TLK2: variants seen among roughly 807,000 people sequenced by gnomAD.
TLK2 encodes tousled like kinase 2, also known as serine/threonine-protein kinase tousled-like 2.
In TLK2, 6 loss-of-function variants were observed where a neutral mutation model predicts 117.3. The observed-to-expected ratio is 0.05, with a 90% CI of 0.03 to 0.10. The LOEUF is 0.10. Ranked by LOEUF, TLK2 falls within the 10% of genes least tolerant of loss-of-function variation. The probability of loss-of-function intolerance (pLI) is 1.00; values close to 1 mark genes in which losing one functional copy is unlikely to be tolerated. For synonymous variants in TLK2, 257 were observed against 316.7 expected, an observed-to-expected ratio of 0.81 and a Z score of 2.00; for missense variants, 299 against 901.2, an observed-to-expected ratio of 0.33 and a Z score of 8.56.
intron 15 of TLK2, among the ~76,000 whole-genome samples, chr17:62,583,786 C>T (rs759347723): frequency 3.3e-4 from 50 of 151,738 alleles, no homozygotes; most frequent in Non-Finnish European, 6.5e-4. Context: ...ACTATGTTGG[C>T]TAGGCTGGTT....
chr17:62,566,068 A>G (rs2079763237), intron 11 of TLK2, among the ~76,000 whole-genome samples: 1 of 152,208 alleles, frequency 6.6e-6, no homozygotes, highest in Non-Finnish European at 1.5e-5. Context: ...TATTTATTCC[A>G]ATGAGGGAAT....
Position 62,614,155 on chromosome 17 carries a change from G to T in TLK2, c.*1590G>T, listed in dbSNP as rs2083973382. The T allele has an allele frequency of 2.0e-5, 3 of 147,966 alleles. No homozygotes were observed. Among genetic ancestry groups the T allele is most frequent in the East Asian group, 2.0e-4 (1 of 5,070 alleles). 9.2% of individuals were successfully genotyped at this position (147,966 alleles called of 1,614,324 possible). ...AAAAAAAAAAAAAAAAGGAGAAATA[G>T]ATGTTTCAAATATGAACATTCTTTT... On this transcript the variant is annotated 3_prime_UTR_variant, in exon 22 of 22. Coordinates refer to ENST00000346027, the MANE Select transcript of TLK2 (RefSeq NM_006852.6).
At chr17:62,574,245 C>T in intron 12 of TLK2, 1 of 1,481,038 alleles carries the variant, frequency 6.8e-7, no homozygotes, top group African/African-American at 1.4e-5. Flanking sequence ...AGAAAGATGG[C>T]TTAACACCAA....
chr17:62,509,201 A>G (rs903197782), intron 2 of TLK2, among the ~76,000 whole-genome samples: 63 of 151,920 alleles, frequency 4.1e-4, no homozygotes, highest in Middle Eastern at 3.2e-3. Flanking sequence ...CAGTTCCCCT[A>G]CCTCAGCCTC....
upstream of TLK2, among the ~76,000 whole-genome samples, chr17:62,478,578 C>G (rs1009930145): frequency 3.3e-5 from 5 of 150,608 alleles, no homozygotes; most frequent in Admixed American, 1.3e-4. Context: ...CGCCCTCAGC[C>G]GTCCGGCGAG....
intron 14 of TLK2, among the ~76,000 whole-genome samples, chr17:62,579,385 C>G (rs545641651): frequency 8.4e-4 from 128 of 152,222 alleles, no homozygotes; most frequent in African/African-American, 3.0e-3. Context: ...AATAATGTGA[C>G]CAAAGAGTTC....
At chr17:62,484,594 A>T (rs2072110736) in intron 2 of TLK2, among the ~76,000 whole-genome samples, 1 of 151,916 alleles carries the variant, frequency 6.6e-6, no homozygotes. Context: ...CATCGCGCCC[A>T]GCCTTTGTAT....
intron 12 of TLK2, chr17:62,574,503 C>A: frequency 1.4e-6 from 1 of 707,816 alleles, no homozygotes; most frequent in Non-Finnish European, 2.4e-6. Context: ...ATTCATATAA[C>A]TCCAAATTTT....
intron 6 of TLK2, among the ~76,000 whole-genome samples, chr17:62,527,956 T>C (rs1316815623): frequency 2.0e-5 from 3 of 152,132 alleles, no homozygotes; most frequent in Non-Finnish European, 4.4e-5. Flanking sequence ...TTGGCCAGGA[T>C]GGTCTCGATC....
intron 2 of TLK2, among the ~76,000 whole-genome samples, chr17:62,511,368 A>C (rs2075131801): frequency 6.6e-6 from 1 of 152,126 alleles, no homozygotes; most frequent in Non-Finnish European, 1.5e-5. Flanking sequence ...TGGAGTCACA[A>C]AGTACACAAC....
intron 16 of TLK2, among the ~76,000 whole-genome samples, chr17:62,589,519 C>A (rs1268091978): frequency 6.6e-6 from 1 of 152,132 alleles, no homozygotes; most frequent in Non-Finnish European, 1.5e-5. Flanking sequence ...CATTGCCTTG[C>A]TGATGAAGTA....
chr17:62,493,764 CT>C (rs558304533), intron 2 of TLK2, among the ~76,000 whole-genome samples: 50 of 146,966 alleles, frequency 3.4e-4, no homozygotes, highest in Non-Finnish European at 3.8e-4. Context: ...ATAGGATAGT[CT>C]TTTTTTTTTT....
intron 10 of TLK2, among the ~76,000 whole-genome samples, chr17:62,564,535 CAAAAAAAAAAAAA>C (rs58856005): frequency 1.6e-5 from 1 of 63,340 alleles, no homozygotes; most frequent in Non-Finnish European, 2.9e-5. Context: ...GACTTCGTCT[CAAAAAAAAAAAAA>C]AAAAAAAAAA....
chr17:62,538,872 A>G (rs1006226878), intron 7 of TLK2, among the ~76,000 whole-genome samples: 4 of 152,352 alleles, frequency 2.6e-5, no homozygotes, highest in East Asian at 3.9e-4. Context: ...GTATTAATAT[A>G]CAAGTGTAAA....
chr17:62,542,215 T>C (rs1403758419), intron 7 of TLK2, among the ~76,000 whole-genome samples: 1 of 152,214 alleles, frequency 6.6e-6, no homozygotes, highest in African/African-American at 2.4e-5. Flanking sequence ...AGATAACTAC[T>C]GTTAACAGTT....
At position 62,548,238 on chromosome 17, in the gene TLK2, ATATGTGTGTGTGTG is replaced by A. The variant is rs1283467959; in HGVS notation, c.532-4062_532-4049del. ...ACTTATCATTGGGCCATATATATAT[ATATGTGTGTGTGTG>A]TGTGTGTGTGTGTGTGTGTGTGTCT... On this transcript the variant is annotated intron_variant, in intron 7 of 21. Coordinates refer to ENST00000346027, the MANE Select transcript of TLK2 (RefSeq NM_006852.6). Among the ~76,000 whole-genome samples, 31 of 111,908 alleles carry A rather than the reference ATATGTGTGTGTGTG, an allele frequency of 2.8e-4. 1 individual carries two copies. The highest frequency in any genetic ancestry group is 1.1e-3 in the African/African-American group (30 of 27,348). 73.4% of individuals were successfully genotyped at this position (111,908 alleles called of 152,430 possible).
chr17:62,525,572 C>G (rs201514476), intron 6 of TLK2, among the ~76,000 whole-genome samples: 1 of 151,974 alleles, frequency 6.6e-6, no homozygotes, highest in African/African-American at 2.4e-5. Context: ...AATCAACTTC[C>G]TGAGTAGCTC....
intron 1 of TLK2, among the ~76,000 whole-genome samples, chr17:62,472,051 G>GC (rs1165624476): frequency 6.6e-5 from 10 of 150,708 alleles, no homozygotes; most frequent in Admixed American, 1.3e-4. Flanking sequence ...GACTACAGGC[G>GC]CCCCCCCACC....
intron 19 of TLK2, 103 bp from the exon 20 acceptor site, chr17:62,606,023 AAAAC>A: frequency 4.1e-6 from 2 of 483,446 alleles, no homozygotes; most frequent in Non-Finnish European, 6.8e-6. Context: ...AAAAAAAAAA[AAAAC>A]GATATTTCTA....
Sources: allele counts gnomAD v4.1 joint callset (sites outside exome capture counted in the v4.1 genomes callset), GRCh38; gene constraint gnomAD v4.1.1; transcripts MANE v1.5; gene names NCBI Gene and HGNC (gene_info 2026-07-23, HGNC 2026-07-21).